Variants in PDXDC1 observed in about 807,000 individuals in gnomAD.
PDXDC1 encodes pyridoxal-dependent decarboxylase domain-containing protein 1.
A neutral mutation model predicts 100.1 loss-of-function variants in PDXDC1; 42 were observed. The ratio of observed to expected loss-of-function variants is 0.42; its 90% CI spans 0.33 to 0.54. The LOEUF is 0.54. PDXDC1 is among the 20% of genes least tolerant of loss of function. The pLI, the probability that PDXDC1 is intolerant of heterozygous loss-of-function variation, is 0.10. For missense variants in PDXDC1, 636 were observed against 979.2 expected, an observed-to-expected ratio of 0.65 and a Z score of 4.68; for synonymous variants, 260 against 371.7, an observed-to-expected ratio of 0.70 and a Z score of 3.46.
intron 16 of PDXDC1, chr16:15,068,278 C>T: frequency 1.9e-6 from 3 of 1,562,372 alleles, no homozygotes; most frequent in African/African-American, 1.4e-5. Context: ...TACTGCAAAC[C>T]TTTGGTTTAA....
chr16:15,142,572 C>A (rs2048491735), downstream of PDXDC1, among the ~76,000 whole-genome samples: 1 of 152,080 alleles, frequency 6.6e-6, no homozygotes, highest in Admixed American at 6.5e-5. Context: ...GTGGAAGCAT[C>A]TGCCCTGGGC....
chr16:15,106,654 C>G (rs188533455), intron 16 of PDXDC1, among the ~76,000 whole-genome samples: 7 of 147,146 alleles, frequency 4.8e-5, no homozygotes, highest in African/African-American at 7.3e-5. Flanking sequence ...ACTCGGGAGG[C>G]TGAGGCAGGG....
At chr16:15,038,961 A>C (rs1233513816), downstream of PDXDC1, among the ~76,000 whole-genome samples, 1 of 152,186 alleles carries the variant, frequency 6.6e-6, no homozygotes, top group Non-Finnish European at 1.5e-5. Flanking sequence ...AGGCTCAGAG[A>C]AACAAGGCCC....
intron 16 of PDXDC1, among the ~76,000 whole-genome samples, chr16:15,051,785 C>T (rs1335195125): frequency 6.8e-6 from 1 of 148,044 alleles, no homozygotes; most frequent in Non-Finnish European, 1.5e-5. Flanking sequence ...ACTGCAACCT[C>T]AAACTCCTGG....
chr16:14,980,888 C>G (rs1185584024), intron 1 of PDXDC1, among the ~76,000 whole-genome samples: 1 of 152,298 alleles, frequency 6.6e-6, no homozygotes, highest in Admixed American at 6.5e-5. Context: ...ATGTAAGCCA[C>G]TGCACCCGGC....
At chr16:14,982,496 G>A (rs1355525525) in intron 1 of PDXDC1, among the ~76,000 whole-genome samples, 16 of 152,380 alleles carry the variant, frequency 1.1e-4, no homozygotes, top group African/African-American at 2.6e-4. Context: ...GGTGGCTCAC[G>A]CCTGTAGTCC....
downstream of PDXDC1, among the ~76,000 whole-genome samples, chr16:15,043,268 T>G (rs1432883358): frequency 6.6e-6 from 1 of 152,164 alleles, no homozygotes; most frequent in Non-Finnish European, 1.5e-5. Context: ...ACTCCTGACC[T>G]TAGGTGATCC....
chr16:15,022,933 A>G (rs1332705607), intron 13 of PDXDC1, among the ~76,000 whole-genome samples, 179 bp downstream of exon 13: 1 of 152,296 alleles, frequency 6.6e-6, no homozygotes, highest in Non-Finnish European at 1.5e-5. Context: ...ACCTGCTTAT[A>G]TTTATACAGT....
chr16:15,096,758 T>A (rs2046371168), intron 16 of PDXDC1, among the ~76,000 whole-genome samples: 1 of 152,264 alleles, frequency 6.6e-6, no homozygotes, highest in Non-Finnish European at 1.5e-5. Context: ...TCATGGCTCG[T>A]TGCAGCCTCG....
At chr16:15,072,005 C>T (rs1315937191) in intron 16 of PDXDC1, among the ~76,000 whole-genome samples, 1 of 152,102 alleles carries the variant, frequency 6.6e-6, no homozygotes, top group Non-Finnish European at 1.5e-5. Context: ...AACAGAAATA[C>T]GGACTAACGC....
chr16:15,083,783 C>G (rs1478622398), intron 16 of PDXDC1: 2 of 574,560 alleles, frequency 3.5e-6, no homozygotes, highest in South Asian at 2.1e-5. Context: ...GTGGCGCAAT[C>G]TCAGCTCACT....
chr16:15,150,317 G>T, the PDXDC1 span, among the ~76,000 whole-genome samples: 1 of 150,550 alleles, frequency 6.6e-6, no homozygotes, highest in African/African-American at 2.4e-5. Flanking sequence ...CTCCAGCCTG[G>T]GCAACAGAGT....
chr16:15,096,808 C>T (rs1308117216), intron 16 of PDXDC1, among the ~76,000 whole-genome samples: 1 of 152,212 alleles, frequency 6.6e-6, no homozygotes, highest in South Asian at 2.1e-4. Context: ...CTCAGCCGCC[C>T]GAACCCACAC....
In PDXDC1 at chr16:15,037,089, C is replaced by CCTGGTTAAAAT. The variant is rs1424529270; in HGVS notation, c.*818_*828dup. ...TCTTCCGTGTGCTACGTAGCACCCA[C>CCTGGTTAAAAT]CTGGTTAAAATCTGAAAACAAGTAC... On this transcript the variant is annotated 3_prime_UTR_variant, in exon 23 of 23. Coordinates refer to ENST00000396410, the MANE Select transcript of PDXDC1 (RefSeq NM_015027.4). 37 of 152,208 alleles carry CCTGGTTAAAAT rather than the reference C, an allele frequency of 2.4e-4. No individual in the cohort carries two copies. The highest frequency in any genetic ancestry group is 4.7e-4 in the Non-Finnish European group (32 of 68,048). 9.4% of individuals were successfully genotyped at this position (152,208 alleles called of 1,614,324 possible). A position where few individuals can be genotyped will look rare whatever the true frequency, so the allele number is the denominator to read the frequency against.
At chr16:15,100,687 TA>T (rs1212973756) in intron 16 of PDXDC1, among the ~76,000 whole-genome samples, 1 of 152,138 alleles carries the variant, frequency 6.6e-6, no homozygotes, top group Admixed American at 6.6e-5. Context: ...ACCACTGGTA[TA>T]AACAAGTCAG....
intron 16 of PDXDC1, chr16:15,125,916 A>C (rs2047691478): frequency 1.5e-6 from 1 of 653,062 alleles, no homozygotes; most frequent in Non-Finnish European, 2.8e-6. Flanking sequence ...CATCTGACAG[A>C]ATGTCCTAGA....
chr16:15,011,489 G>T (rs1224179841), intron 8 of PDXDC1, among the ~76,000 whole-genome samples: 1 of 152,276 alleles, frequency 6.6e-6, no homozygotes, highest in East Asian at 1.9e-4. Context: ...GTGACCTTAG[G>T]TTACATTTCT....
intron 16 of PDXDC1, among the ~76,000 whole-genome samples, chr16:15,128,804 A>G (rs1026856471): frequency 6.6e-6 from 1 of 150,388 alleles, no homozygotes; most frequent in Non-Finnish European, 1.5e-5. Context: ...CCCAGGTGAC[A>G]GTATTTTTTT....
At chr16:15,030,846 G>T (rs1397293319) in intron 16 of PDXDC1, among the ~76,000 whole-genome samples, 5 of 152,098 alleles carry the variant, frequency 3.3e-5, no homozygotes, top group South Asian at 4.1e-4. Context: ...CCACTACAAG[G>T]GTTCTCACTC....
Sources: gnomAD v4.1 joint callset for allele counts (sites outside exome capture counted in the v4.1 genomes callset) on GRCh38, gnomAD v4.1.1 for gene constraint, MANE v1.5 for transcripts, NCBI Gene and HGNC (gene_info 2026-07-23, HGNC 2026-07-21) for gene names.